The following PCDH7 variants were observed in gnomAD, a reference collection of about 807,000 sequenced individuals.
The protein encoded by PCDH7 is protocadherin 7.
PCDH7 carries 17 observed loss-of-function variants against 58.9 expected under a neutral mutation model. The ratio of observed to expected loss-of-function variants is 0.29; its 90% confidence interval spans 0.20 to 0.43. The LOEUF (loss-of-function observed/expected upper bound fraction) is 0.43. Ranked by LOEUF, PCDH7 falls within the 20% of genes least tolerant of loss-of-function variation. PCDH7 has a pLI of 1.00. For missense variants in PCDH7, 1,274 were observed against 1,441.0 expected (o/e 0.88, Z 1.88); for synonymous variants, 664 against 616.4 (o/e 1.08, Z -1.14).
intron 3 of PCDH7, among the ~76,000 whole-genome samples, chr4:31,086,160 G>T (rs976595525): frequency 7.2e-5 from 11 of 152,100 alleles, no homozygotes; most frequent in Admixed American, 7.2e-4. Context: ...AGAAAAATAA[G>T]ATTTGAGTTC....
At chr4:31,055,450 G>A (rs1025813646) in intron 3 of PCDH7, among the ~76,000 whole-genome samples, 2 of 152,024 alleles carry the variant, frequency 1.3e-5, no homozygotes, top group Admixed American at 6.6e-5. Context: ...ATCTAGTTGT[G>A]TACCATAATG....
chr4:30,753,572 T>C (rs1208527141), intron 1 of PCDH7, among the ~76,000 whole-genome samples: 1 of 152,210 alleles, frequency 6.6e-6, no homozygotes, highest in African/African-American at 2.4e-5. Context: ...ATACACCCTT[T>C]GGATTTTTGA....
At chr4:31,142,660 G>T (rs1419626733) in exon 4 of PCDH7, 2 of 1,367,594 alleles carry the variant, frequency 1.5e-6, no homozygotes, top group Non-Finnish European at 9.8e-7. Context: ...CCAATGGGGA[G>T]GCCGCCATCA....
chr4:30,923,303 G>A (rs537295592), intron 2 of PCDH7, among the ~76,000 whole-genome samples: 2 of 152,266 alleles, frequency 1.3e-5, no homozygotes, highest in African/African-American at 4.8e-5. Context: ...CCAGGAATAA[G>A]TTAGGATAGC....
rs555122875 is a variant in PCDH7, at chr4:31,056,514, AAAGGGGAAG to A, written c.*8-85958_*8-85950del. 2.9e-4 allele frequency among the ~76,000 whole-genome samples: 30 copies of A among 102,594 alleles called. 1 individual carries two copies. The highest frequency in any genetic ancestry group is 1.3e-3 in the East Asian group (2 of 1,542). 67.3% of individuals were successfully genotyped at this position (102,594 alleles called of 152,430 possible). ...GAAAGAAAGAAAGAAAGAAAGAAAGAAAGGGGAAGGGAAGGGAAGGAAGGAGAGAGGGAG... is the reference window on the plus strand; with the variant it reads ...GAAAGAAAGAAAGAAAGAAAGAAAGAGGAAGGGAAGGAAGGAGAGAGGGAG... On this transcript the variant is annotated intron_variant, in intron 3 of 3. Transcript: ENST00000509759.
chr4:31,114,076 C>T (rs963659697), intron 3 of PCDH7, among the ~76,000 whole-genome samples: 2 of 152,006 alleles, frequency 1.3e-5, no homozygotes, highest in Non-Finnish European at 2.9e-5. Context: ...TCAGGTGATC[C>T]ACCCGCCTTG....
At chr4:30,853,727 A>G (rs1454156749) in intron 1 of PCDH7, among the ~76,000 whole-genome samples, 2 of 152,088 alleles carry the variant, frequency 1.3e-5, no homozygotes, top group Admixed American at 6.6e-5. Flanking sequence ...AAATGATGAT[A>G]TATTTTGCTC....
chr4:31,009,259 A>T (rs1438493150), intron 3 of PCDH7, among the ~76,000 whole-genome samples: 1 of 152,060 alleles, frequency 6.6e-6, no homozygotes, highest in African/African-American at 2.4e-5. Context: ...TATTTCTTTT[A>T]GGTTGTTTCC....
rs2109222550 is a variant in PCDH7, at chr4:30,721,066, G to A, written c.-357G>A. On this transcript the variant is annotated 5_prime_UTR_variant, in exon 1 of 2. Transcript: ENST00000361762. The surrounding 1 kb of genome is among the most constrained non-coding windows in gnomAD (Gnocchi z 6.7). ...AGCCGGGGATTCTCCGCCCGCTGAG[G>A]GGATGACTCTGGGTTGGGGGAGCGC... 4.1e-6 allele frequency: 1 copy of A among 246,726 alleles called. No homozygotes were observed. The highest frequency in any genetic ancestry group is 1.2e-4 in the South Asian group (1 of 8,510). 15.3% of individuals were successfully genotyped at this position (246,726 alleles called of 1,614,324 possible).
chr4:30,971,489 C>T (rs568044938), intron 3 of PCDH7, among the ~76,000 whole-genome samples: 2 of 152,264 alleles, frequency 1.3e-5, no homozygotes, highest in East Asian at 3.9e-4. Context: ...TAAATTTGAT[C>T]TGTGTTTTTT....
chr4:30,799,310 A>G (rs1725211889), intron 1 of PCDH7, among the ~76,000 whole-genome samples: 1 of 152,226 alleles, frequency 6.6e-6, no homozygotes, highest in South Asian at 2.1e-4. Flanking sequence ...TCCTATGAAT[A>G]ATGATTAATG....
chr4:30,887,612 CT>C (rs1324879898), intron 1 of PCDH7, among the ~76,000 whole-genome samples: 2 of 152,090 alleles, frequency 1.3e-5, no homozygotes, highest in South Asian at 2.1e-4. Context: ...CTTTTTTTCT[CT>C]GTGAAACAGT....
chr4:31,030,251 C>G (rs548620122), intron 3 of PCDH7, among the ~76,000 whole-genome samples: 1 of 152,282 alleles, frequency 6.6e-6, no homozygotes, highest in East Asian at 1.9e-4. Flanking sequence ...GCTGCATCAT[C>G]TCAGCAATCC....
chr4:31,092,900 A>C (rs1713441989), intron 3 of PCDH7, among the ~76,000 whole-genome samples: 1 of 152,058 alleles, frequency 6.6e-6, no homozygotes, highest in South Asian at 2.1e-4. Flanking sequence ...TCTACCAGAG[A>C]CTGGTCCAGT....
At chr4:31,016,867 CTGAG>C (rs1753653801) in intron 3 of PCDH7, among the ~76,000 whole-genome samples, 1 of 131,412 alleles carries the variant, frequency 7.6e-6, no homozygotes, top group Non-Finnish European at 1.6e-5. Flanking sequence ...TGTGTGTGTG[CTGAG>C]TGTGTGTGCA....
intron 3 of PCDH7, among the ~76,000 whole-genome samples, chr4:31,023,974 G>A (rs1333697832): frequency 6.6e-6 from 1 of 152,194 alleles, no homozygotes; most frequent in East Asian, 1.9e-4. Context: ...CATAAAAGAA[G>A]CACTGTCAGA....
At chr4:30,905,021 AT>A (rs1287666378) in intron 1 of PCDH7, among the ~76,000 whole-genome samples, 1 of 152,174 alleles carries the variant, frequency 6.6e-6, no homozygotes, top group East Asian at 1.9e-4. Flanking sequence ...TCCTAAACAG[AT>A]TTCACCAGGT....
chr4:30,822,505 T>A (rs1278645930), intron 1 of PCDH7, among the ~76,000 whole-genome samples: 1 of 152,176 alleles, frequency 6.6e-6, no homozygotes, highest in African/African-American at 2.4e-5. Flanking sequence ...GCCTGTTAAA[T>A]GGTGCTGTAA....
intron 1 of PCDH7, among the ~76,000 whole-genome samples, chr4:30,856,705 A>T (rs868013353): frequency 0.064 from 8,968 of 140,170 alleles, 298 homozygotes; most frequent in African/African-American, 0.092. Context: ...AAAAAAAAAA[A>T]AAATATATAT....
Sources: gnomAD v4.1 joint callset for allele counts (sites outside exome capture counted in the v4.1 genomes callset) on GRCh38, gnomAD v4.1.1 for gene constraint, Gnocchi (gnomAD v3.1) non-coding constraint, MANE v1.5 for transcripts, NCBI Gene and HGNC (gene_info 2026-07-23, HGNC 2026-07-21) for gene names.